Variants in TMED8 observed in about 807,000 individuals in gnomAD.
TMED8 encodes protein TMED8.
TMED8 carries 15 observed loss-of-function variants against 32.7 expected under a neutral mutation model. The observed-to-expected ratio is 0.46, with a 90% CI of 0.31 to 0.71. The LOEUF is 0.71. Among genes scored for constraint, TMED8 ranks in the 30% least tolerant of loss-of-function variants. TMED8 has a pLI of 0.06. For synonymous variants in TMED8, 147 were observed against 161.4 expected, an observed-to-expected ratio of 0.91 and a Z score of 0.68; for missense variants, 390 against 423.9, an observed-to-expected ratio of 0.92 and a Z score of 0.70.
chr14:77,351,740 G>A lies in TMED8; in HGVS notation c.130C>T (p.Leu44=), dbSNP rs776457082. Residue 44 remains leucine, a synonymous_variant, in exon 2 of 6, where the codon CTA becomes TTA. Transcript: ENST00000216468. ...SQAAASENED[L]ENKDTSLLAS... The stretch of plus-strand genomic sequence containing the variant: ...AATAAAGAGGTATCCTTGTTTTCTA[G>A]ATCTTCATTCTCTAGAAAACCATAG... 1.2e-6 allele frequency: 2 copies of A among 1,612,672 alleles called. No homozygotes were observed. Among genetic ancestry groups the A allele is most frequent in the Non-Finnish European group, 1.7e-6 (2 of 1,179,286 alleles).
rs71303874 is a variant in TMED8, at chr14:77,353,439, G to GTT, written c.119-1690_119-1689dup. On this transcript the variant is annotated intron_variant, in intron 1 of 5. Coordinates refer to ENST00000216468, the MANE Select transcript of TMED8 (RefSeq NM_213601.3). The stretch of plus-strand genomic sequence containing the variant: ...GATCTATTTTTCTTTTCTTTTCTTT[G>GTT]TTTTTTTTTTTTTTTTGGAGGGGGA... Among the ~76,000 whole-genome samples, 874 of 127,414 alleles carry GTT rather than the reference G, an allele frequency of 6.9e-3. 10 individuals carry two copies. Among genetic ancestry groups the GTT allele is most frequent in the Middle Eastern group, 0.016 (4 of 246 alleles). The allele number at this position is 127,414 out of a possible 152,430, so 83.6% of individuals were successfully genotyped here.
Position 77,377,002 on chromosome 14 carries a change from G to A in TMED8, c.52C>T (p.Arg18Cys), listed in dbSNP as rs770377844. 6 of 1,425,722 alleles carry A rather than the reference G, an allele frequency of 4.2e-6. No homozygotes were observed. The highest frequency in any genetic ancestry group is 5.5e-6 in the Non-Finnish European group (6 of 1,099,390). 88.3% of individuals were successfully genotyped at this position (1,425,722 alleles called of 1,614,324 possible). Reference sequence around the variant, plus strand: ...CCGACGCCGCCAGCCGACCCTGGGCGGGCTGTGGGGCTCCAGGAGCCCGGC... The same window carrying A: ...CCGACGCCGCCAGCCGACCCTGGGCAGGCTGTGGGGCTCCAGGAGCCCGGC... ...EGPGSWSPTA[R>C]PGSAGGVGDC... The change falls in exon 1 of 6, where the codon CGC becomes TGC. Residue 18 changes from arginine (R) to cysteine (C), a missense_variant. Physicochemically the swap from Arg to Cys is radical, Grantham distance 180 (BLOSUM62 -3). Transcript: ENST00000216468.
intron 1 of TMED8, among the ~76,000 whole-genome samples, chr14:77,355,696 A>G (rs1893275513): frequency 6.6e-6 from 1 of 152,196 alleles, no homozygotes; most frequent in Non-Finnish European, 1.5e-5. Flanking sequence ...TGTTAGAGAT[A>G]ATGATGTTCT....
intron 1 of TMED8, among the ~76,000 whole-genome samples, chr14:77,354,400 A>ATT (rs1893246257): frequency 6.6e-6 from 1 of 152,240 alleles, no homozygotes. Context: ...CCAGGACTTT[A>ATT]TATACCCTAT....
intron 1 of TMED8, among the ~76,000 whole-genome samples, chr14:77,368,745 GATT>G (rs1893610865): frequency 6.6e-6 from 1 of 152,116 alleles, no homozygotes; most frequent in Admixed American, 6.6e-5. Context: ...AAAGTGCTGG[GATT>G]ACAGGCATGA....
intron 1 of TMED8, among the ~76,000 whole-genome samples, chr14:77,352,232 C>T (rs1205038659): frequency 6.6e-6 from 1 of 151,742 alleles, no homozygotes; most frequent in Non-Finnish European, 1.5e-5. Context: ...CTGATCAACA[C>T]AGTGAAACCC....
chr14:77,356,454 C>T (rs1471129503), intron 1 of TMED8, among the ~76,000 whole-genome samples: 1 of 152,160 alleles, frequency 6.6e-6, no homozygotes, highest in Non-Finnish European at 1.5e-5. Context: ...AGAATGAAGA[C>T]TCATGCACCC....
At chr14:77,359,213 A>G (rs140194201) in intron 1 of TMED8, among the ~76,000 whole-genome samples, 23 of 152,298 alleles carry the variant, frequency 1.5e-4, no homozygotes, top group Non-Finnish European at 2.8e-4. Flanking sequence ...CCCAGCTACA[A>G]CTTGTTTTTA....
chr14:77,351,395 CCACCA>C (rs1893172163), intron 2 of TMED8, among the ~76,000 whole-genome samples: 1 of 140,832 alleles, frequency 7.1e-6, no homozygotes, highest in Non-Finnish European at 1.6e-5. Context: ...TGTAGTCTGG[CCACCA>C]CGCCCCGCTA....
intron 1 of TMED8, among the ~76,000 whole-genome samples, chr14:77,366,085 T>G (rs1317055583): frequency 1.3e-5 from 2 of 152,224 alleles, no homozygotes; most frequent in Non-Finnish European, 2.9e-5. Context: ...TCAAGTTTAA[T>G]GGTCTCCAAA....
chr14:77,353,245 T>A (rs938327594), intron 1 of TMED8, among the ~76,000 whole-genome samples: 5 of 152,180 alleles, frequency 3.3e-5, no homozygotes, highest in African/African-American at 1.2e-4. Context: ...TCCCTCTGTG[T>A]AAGACAACAA....
intron 1 of TMED8, among the ~76,000 whole-genome samples, chr14:77,370,376 T>A (rs2139637058): frequency 6.6e-6 from 1 of 152,126 alleles, no homozygotes; most frequent in South Asian, 2.1e-4. Flanking sequence ...ACAAAATTAA[T>A]CTCTAAGGAG....
At chr14:77,344,972 T>G (rs928095283) in intron 3 of TMED8, among the ~76,000 whole-genome samples, 4 of 152,130 alleles carry the variant, frequency 2.6e-5, no homozygotes, top group African/African-American at 9.7e-5. Context: ...GCCCTCAGCC[T>G]CAGTTTCCTC....
chr14:77,357,571 A>G (rs559277540), intron 1 of TMED8, among the ~76,000 whole-genome samples: 3 of 152,236 alleles, frequency 2.0e-5, no homozygotes, highest in Non-Finnish European at 4.4e-5. Flanking sequence ...TTAGAATCAT[A>G]ACAACCTCCA....
chr14:77,343,623 A>C, intron 4 of TMED8, 74 bp downstream of exon 4: 1 of 1,595,402 alleles, frequency 6.3e-7, no homozygotes. Flanking sequence ...CTTTCCTTCC[A>C]TTTGTCTGTC....
intron 3 of TMED8, among the ~76,000 whole-genome samples, chr14:77,346,119 CT>C: frequency 6.6e-6 from 1 of 152,268 alleles, no homozygotes; most frequent in African/African-American, 2.4e-5. Flanking sequence ...CACTCTAACA[CT>C]TCGTTTTCTG....
chr14:77,373,921 AC>A (rs1047052632), intron 1 of TMED8, among the ~76,000 whole-genome samples: 18 of 151,704 alleles, frequency 1.2e-4, no homozygotes, highest in African/African-American at 3.6e-4. Flanking sequence ...CTCACTCCCA[AC>A]TCTCGCCATG....
Position 77,341,081 on chromosome 14 carries a change from T to C in TMED8, c.*690A>G, listed in dbSNP as rs546915141. 2.6e-5 allele frequency: 4 copies of C among 152,314 alleles called. No individual in the cohort carries two copies. The highest frequency in any genetic ancestry group is 4.4e-5 in the Non-Finnish European group (3 of 68,058). The allele number at this position is 152,314 out of a possible 1,614,324, so 9.4% of individuals were successfully genotyped here. ...AGGAAATAATGGGGGCAGTTTTTCT[T>C]CCCACAAGATCTTAGGTTACATTGA... On this transcript the variant is annotated 3_prime_UTR_variant, in exon 6 of 6. Transcript: ENST00000216468.
In TMED8 at chr14:77,346,455, C is replaced by T; in HGVS notation, c.221G>A (p.Ser74Asn). 2 of 1,614,172 alleles carry T rather than the reference C, an allele frequency of 1.2e-6. No individual in the cohort carries two copies. Among genetic ancestry groups the T allele is most frequent in the Non-Finnish European group, 1.7e-6 (2 of 1,180,030 alleles). ...CCGCAGATCTTCCGTGGCATCCTTACTCACTGGAGATACCATCTGTGGCCT... is the reference window on the plus strand; with the variant it reads ...CCGCAGATCTTCCGTGGCATCCTTATTCACTGGAGATACCATCTGTGGCCT... ...PHRPQMVSPV[S>N]KDATEDLRKA... The change falls in exon 3 of 6, where the codon AGT becomes AAT. Residue 74 changes from serine to asparagine, a missense_variant. By Grantham distance (46) the Ser-to-Asn change is conservative. Transcript: ENST00000216468.
Sources: allele counts gnomAD v4.1 joint callset (sites outside exome capture counted in the v4.1 genomes callset), GRCh38; gene constraint gnomAD v4.1.1; transcripts MANE v1.5; gene names NCBI Gene and HGNC (gene_info 2026-07-23, HGNC 2026-07-21).